TRANK1: variants seen among roughly 807,000 people sequenced by gnomAD.
TRANK1 encodes tetratricopeptide repeat and ankyrin repeat containing 1, also known as TPR and ankyrin repeat-containing protein 1.
Under a neutral mutation model 266.0 loss-of-function variants are expected in TRANK1, and 198 were observed. That is an observed-to-expected ratio of 0.74 (90% CI 0.66 to 0.84). The LOEUF is 0.84. Ranked by LOEUF, TRANK1 falls within the 40% of genes least tolerant of loss-of-function variation. The pLI, the probability that TRANK1 is intolerant of heterozygous loss-of-function variation, is 0.00. For synonymous variants in TRANK1, 1,396 were observed against 1,384.1 expected (o/e 1.01, Z -0.19); for missense variants, 3,326 against 3,634.6 (o/e 0.92, Z 2.18).
chr3:36,879,927 TGCAAATATATGTAA>T (rs2079487942), intron 8 of TRANK1, among the ~76,000 whole-genome samples: 2 of 26,134 alleles, frequency 7.7e-5, no homozygotes, highest in South Asian at 1.2e-3. Context: ...TATGTAAACA[TGCAAATATATGTAA>T]ACATGCAAAT....
At chr3:36,876,908 G>A (rs72619986) in intron 8 of TRANK1, among the ~76,000 whole-genome samples, 34,073 of 152,060 alleles carry the variant, frequency 0.22, 4,522 homozygotes, top group East Asian at 0.57. Flanking sequence ...ATATCTAGAC[G>A]GGTTCTGCTG....
intron 1 of TRANK1, among the ~76,000 whole-genome samples, chr3:36,928,000 G>C (rs1308084704): frequency 2.6e-5 from 4 of 152,178 alleles, no homozygotes; most frequent in African/African-American, 9.7e-5. Flanking sequence ...GGTGCATTTT[G>C]ATATAGAATG....
chr3:36,925,558 AAGTT>A (rs2125655406), intron 1 of TRANK1, among the ~76,000 whole-genome samples: 1 of 152,198 alleles, frequency 6.6e-6, no homozygotes. Context: ...CCTTCCTTAA[AAGTT>A]AGTAAGTCCA....
At chr3:36,888,836 C>T (rs1157058116) in intron 8 of TRANK1, among the ~76,000 whole-genome samples, 1 of 152,164 alleles carries the variant, frequency 6.6e-6, no homozygotes, top group Non-Finnish European at 1.5e-5. Flanking sequence ...GCAGGTGGAT[C>T]ACTTGAGGTC....
chr3:36,851,897 C>A, intron 14 of TRANK1, 41 bp from the exon 15 acceptor site: 3 of 1,549,038 alleles, frequency 1.9e-6, no homozygotes, highest in Non-Finnish European at 2.6e-6. Context: ...ACAGAGAAAA[C>A]CCCAGTAAGC....
At chr3:36,887,699 G>C (rs907066918) in intron 8 of TRANK1, among the ~76,000 whole-genome samples, 2 of 152,184 alleles carry the variant, frequency 1.3e-5, no homozygotes, top group African/African-American at 2.4e-5. Context: ...ATGTGGCCCA[G>C]GGAAGCCAAA....
At chr3:36,879,563 T>TATATAAATATATATAAATATAC (rs1279981839) in intron 8 of TRANK1, among the ~76,000 whole-genome samples, 29,405 of 105,950 alleles carry the variant, frequency 0.28, 7,245 homozygotes, top group Non-Finnish European at 0.36. Context: ...TATAAATATA[T>TATATAAATATATATAAATATAC]AAATATATAA....
At chr3:36,851,504 G>A (rs918545592) in intron 15 of TRANK1, 5 of 1,251,800 alleles carry the variant, frequency 4.0e-6, no homozygotes, top group Non-Finnish European at 5.1e-6. Context: ...GGCACAGGGG[G>A]AACTAGCCCA....
At chr3:36,866,746 C>T (rs946965691) in intron 9 of TRANK1, among the ~76,000 whole-genome samples, 1 of 152,200 alleles carries the variant, frequency 6.6e-6, no homozygotes, top group African/African-American at 2.4e-5. Context: ...CCCTTGAAAA[C>T]AAGCCTTGGG....
rs1205673825 is a variant in TRANK1, at chr3:36,879,918, A to T, written c.908-5622T>A. Among the ~76,000 whole-genome samples the T allele has an allele frequency of 1.7e-3, 106 of 61,738 alleles. 19 individuals carry two copies. Among genetic ancestry groups the T allele is most frequent in the African/African-American group, 4.5e-3 (48 of 10,582 alleles). 40.5% of individuals were successfully genotyped at this position (61,738 alleles called of 152,430 possible). ...CAAATATATGTAAACATGCAAATAT[A>T]TGTAAACATGCAAATATATGTAAAC... On this transcript the variant is annotated intron_variant, in intron 8 of 23. Coordinates refer to ENST00000645898, the MANE Select transcript of TRANK1 (RefSeq NM_001329998.2).
intron 7 of TRANK1, among the ~76,000 whole-genome samples, chr3:36,891,659 G>T (rs2079697449): frequency 1.3e-5 from 2 of 152,216 alleles, no homozygotes; most frequent in East Asian, 3.8e-4. Flanking sequence ...TAAAGTTAAA[G>T]CCTATAACCA....
intron 5 of TRANK1, among the ~76,000 whole-genome samples, chr3:36,895,008 T>C (rs1259779953): frequency 1.3e-5 from 2 of 152,240 alleles, no homozygotes; most frequent in Non-Finnish European, 1.5e-5. Flanking sequence ...CTCTTGTCCA[T>C]TATTTCTGAT....
chr3:36,894,478 G>A (rs1411587250), intron 5 of TRANK1, among the ~76,000 whole-genome samples: 1 of 152,116 alleles, frequency 6.6e-6, no homozygotes, highest in Non-Finnish European at 1.5e-5. Context: ...GTCTTTTAAT[G>A]GGACCCTGGA....
At chr3:36,874,511 G>T (rs1016662885) in intron 8 of TRANK1, among the ~76,000 whole-genome samples, 10 of 152,074 alleles carry the variant, frequency 6.6e-5, no homozygotes, top group Non-Finnish European at 1.5e-5. Context: ...TAGCTTTCAA[G>T]AGGTTCAGAA....
At chr3:36,890,432 A>C (rs1559456044) in intron 7 of TRANK1, among the ~76,000 whole-genome samples, 1 of 152,138 alleles carries the variant, frequency 6.6e-6, no homozygotes, top group Non-Finnish European at 1.5e-5. Context: ...TTGAATCCCC[A>C]TGTCAGTCAA....
intron 1 of TRANK1, among the ~76,000 whole-genome samples, chr3:36,912,555 A>G (rs183159765): frequency 6.6e-6 from 1 of 152,258 alleles, no homozygotes; most frequent in African/African-American, 2.4e-5. Flanking sequence ...ATGAGAATTC[A>G]AACTCTAGTT....
chr3:36,917,697 G>T (rs1454561487), intron 1 of TRANK1, among the ~76,000 whole-genome samples: 1 of 152,176 alleles, frequency 6.6e-6, no homozygotes, highest in Non-Finnish European at 1.5e-5. Flanking sequence ...ACCTCTGTAT[G>T]TATTAATCTG....
intron 1 of TRANK1, among the ~76,000 whole-genome samples, chr3:36,922,734 C>T (rs1037656166): frequency 1.3e-5 from 2 of 151,804 alleles, no homozygotes; most frequent in African/African-American, 4.8e-5. Context: ...CGAGATCACA[C>T]CACTGCACTC....
chr3:36,844,038 A>T (rs988629593), intron 17 of TRANK1, among the ~76,000 whole-genome samples: 8 of 152,182 alleles, frequency 5.3e-5, no homozygotes, highest in Non-Finnish European at 8.8e-5. Context: ...ATCCAAACAC[A>T]ATGGGAACAG....
Sources: gnomAD v4.1 joint callset for allele counts (sites outside exome capture counted in the v4.1 genomes callset) on GRCh38, gnomAD v4.1.1 for gene constraint, MANE v1.5 for transcripts, NCBI Gene and HGNC (gene_info 2026-07-23, HGNC 2026-07-21) for gene names.